CLASP2: variants seen among roughly 807,000 people sequenced by gnomAD.
CLASP2 encodes the protein cytoplasmic linker associated protein 2.
A neutral mutation model predicts 194.4 loss-of-function variants in CLASP2; 47 were observed. That is an observed-to-expected ratio of 0.24 (90% confidence interval 0.19 to 0.31). The LOEUF is 0.31. Among genes scored for constraint, CLASP2 ranks in the 10% least tolerant of loss-of-function variants. CLASP2 has a pLI of 1.00. For missense variants in CLASP2, 1,445 were observed against 1,823.6 expected (o/e 0.79, Z 3.78); for synonymous variants, 619 against 633.5 (o/e 0.98, Z 0.34).
intron 27 of CLASP2, among the ~76,000 whole-genome samples, chr3:33,565,248 G>A (rs774775046): frequency 6.6e-6 from 1 of 151,954 alleles, no homozygotes; most frequent in African/African-American, 2.4e-5. Context: ...GTGCGATCTC[G>A]GCTCACTGAA....
At chr3:33,679,665 G>C (rs1297477842) in intron 6 of CLASP2, among the ~76,000 whole-genome samples, 1 of 152,116 alleles carries the variant, frequency 6.6e-6, no homozygotes. Flanking sequence ...TCAGGGAAAT[G>C]CAAAATTAAA....
intron 36 of CLASP2, among the ~76,000 whole-genome samples, chr3:33,513,883 C>G (rs548535740): frequency 6.6e-6 from 1 of 152,124 alleles, no homozygotes; most frequent in Non-Finnish European, 1.5e-5. Context: ...GATATTAGTA[C>G]CTTATGAGAT....
At chr3:33,553,905 G>A (rs1315066196) in intron 29 of CLASP2, among the ~76,000 whole-genome samples, 2 of 152,122 alleles carry the variant, frequency 1.3e-5, no homozygotes, top group Non-Finnish European at 2.9e-5. Flanking sequence ...GCACTCCCAT[G>A]TTCACTGCAG....
At chr3:33,543,349 G>A in intron 32 of CLASP2, 84 bp downstream of exon 32, 1 of 925,672 alleles carries the variant, frequency 1.1e-6, no homozygotes, top group Non-Finnish European at 1.7e-6. Context: ...CTCCAGCCTG[G>A]GCGACAGAGC....
At chr3:33,552,392 C>T (rs1007753290) in intron 29 of CLASP2, among the ~76,000 whole-genome samples, 2 of 152,170 alleles carry the variant, frequency 1.3e-5, no homozygotes, top group African/African-American at 2.4e-5. Flanking sequence ...GCTGGGATTA[C>T]AGGCGTGAGC....
intron 6 of CLASP2, among the ~76,000 whole-genome samples, chr3:33,664,235 A>G (rs942445292): frequency 3.3e-5 from 5 of 152,226 alleles, no homozygotes; most frequent in Non-Finnish European, 7.3e-5. Flanking sequence ...ATATTCATAT[A>G]CAAATTTTCT....
chr3:33,667,233 G>A (rs540538041), intron 6 of CLASP2, among the ~76,000 whole-genome samples: 62 of 151,880 alleles, frequency 4.1e-4, no homozygotes, highest in African/African-American at 1.5e-3. Flanking sequence ...CCAACATGGT[G>A]AAACCCCATC....
intron 21 of CLASP2, among the ~76,000 whole-genome samples, chr3:33,590,888 A>T (rs2068619962): frequency 6.6e-6 from 1 of 152,212 alleles, no homozygotes; most frequent in Non-Finnish European, 1.5e-5. Context: ...TCTTTCAAAA[A>T]TAGCCAAGTA....
At chr3:33,527,676 C>A (rs1380335553) in intron 34 of CLASP2, among the ~76,000 whole-genome samples, 4 of 152,136 alleles carry the variant, frequency 2.6e-5, no homozygotes, top group Non-Finnish European at 5.9e-5. Flanking sequence ...GTGGCTCACA[C>A]CTGTACCCCA....
chr3:33,539,408 C>G (rs2154140563), intron 32 of CLASP2, among the ~76,000 whole-genome samples: 1 of 152,246 alleles, frequency 6.6e-6, no homozygotes, highest in East Asian at 1.9e-4. Flanking sequence ...GATCTCAGCT[C>G]ACTGCAACCT....
chr3:33,575,457 G>C (rs1030881760), intron 24 of CLASP2, among the ~76,000 whole-genome samples: 1 of 152,056 alleles, frequency 6.6e-6, no homozygotes, highest in Admixed American at 6.6e-5. Context: ...TTCTGGGTAA[G>C]AAGCTGAGTA....
At chr3:33,543,348 G>T in intron 32 of CLASP2, 85 bp downstream of exon 32, 3 of 915,804 alleles carry the variant, frequency 3.3e-6, no homozygotes, top group Non-Finnish European at 5.3e-6. Context: ...ACTCCAGCCT[G>T]GGCGACAGAG....
intron 34 of CLASP2, among the ~76,000 whole-genome samples, chr3:33,530,388 T>G (rs78979899): frequency 0.022 from 3,301 of 152,232 alleles, 64 homozygotes; most frequent in Admixed American, 0.064. Flanking sequence ...GAGAACAGCT[T>G]CAGCCCAGGA....
Position 33,525,984 on chromosome 3 carries a change from C to T in CLASP2, c.3788-8810G>A, listed in dbSNP as rs1028930186. The stretch of plus-strand genomic sequence containing the variant: ...GGGTGACTTGGCTGATCCAGTCTTC[C>T]GGCTTTATAGAGTTTGATCTGACCA... On this transcript the variant is annotated intron_variant, in intron 34 of 38. Transcript: ENST00000682230. 4.1e-4 allele frequency among the ~76,000 whole-genome samples: 62 copies of T among 152,262 alleles called. 1 individual carries two copies. Among genetic ancestry groups the T allele is most frequent in the Middle Eastern group, 3.4e-3 (1 of 294 alleles).
At chr3:33,561,167 G>A (rs966868912) in intron 27 of CLASP2, among the ~76,000 whole-genome samples, 196 bp from the exon 28 acceptor site, 1 of 152,190 alleles carries the variant, frequency 6.6e-6, no homozygotes, top group African/African-American at 2.4e-5. Context: ...TCCAACTTCT[G>A]CAGAAGTTCG....
intron 18 of CLASP2, among the ~76,000 whole-genome samples, chr3:33,597,368 A>C (rs1273495650): frequency 2.6e-5 from 4 of 152,214 alleles, no homozygotes; most frequent in Non-Finnish European, 5.9e-5. Flanking sequence ...AAAGGATTTA[A>C]CATAGCAGGA....
At chr3:33,614,037 GA>G (rs1382804142) in intron 12 of CLASP2, among the ~76,000 whole-genome samples, 6 of 151,814 alleles carry the variant, frequency 4.0e-5, no homozygotes, top group Non-Finnish European at 8.8e-5. Context: ...GACAACAGGG[GA>G]AAAAAAGCTT....
At chr3:33,638,137 T>C (rs2080522220) in intron 8 of CLASP2, among the ~76,000 whole-genome samples, 1 of 152,100 alleles carries the variant, frequency 6.6e-6, no homozygotes, top group South Asian at 2.1e-4. Flanking sequence ...CTAATATGAG[T>C]GCCTACATAA....
intron 7 of CLASP2, among the ~76,000 whole-genome samples, chr3:33,663,197 C>CAAAAAAAAA (rs60671856): frequency 8.9e-5 from 9 of 100,764 alleles, no homozygotes; most frequent in East Asian, 5.6e-4. Flanking sequence ...GCAGTATCAC[C>CAAAAAAAAA]AAAAAAAAAA....
Sources: allele counts gnomAD v4.1 joint callset (sites outside exome capture counted in the v4.1 genomes callset), GRCh38; gene constraint gnomAD v4.1.1; transcripts MANE v1.5; gene names NCBI Gene and HGNC (gene_info 2026-07-23, HGNC 2026-07-21).